The following TTC13 variants were observed in gnomAD, a reference collection of about 807,000 sequenced individuals.
TTC13 encodes tetratricopeptide repeat protein 13.
A neutral mutation model predicts 120.0 loss-of-function variants in TTC13; 62 were observed. The observed-to-expected ratio is 0.52, with a 90% CI of 0.42 to 0.64. The LOEUF (loss-of-function observed/expected upper bound fraction) is 0.64, where lower values mean the gene tolerates loss of function less well. Ranked by LOEUF, TTC13 falls within the 30% of genes least tolerant of loss-of-function variation. The probability of loss-of-function intolerance (pLI) is 0.00; values close to 1 mark genes in which losing one functional copy is unlikely to be tolerated. For missense variants in TTC13, 824 were observed against 1,050.2 expected (o/e 0.78, Z 2.98); for synonymous variants, 384 against 393.5 (o/e 0.98, Z 0.28).
intron 18 of TTC13, 139 bp from the exon 19 acceptor site, chr1:230,912,897 T>C (rs959152941): frequency 2.1e-5 from 16 of 748,322 alleles, no homozygotes; most frequent in Non-Finnish European, 8.4e-6. Flanking sequence ...TTTCTAACTA[T>C]AGACAAGCAA....
chr1:230,969,179 G>A (rs1439445500), intron 1 of TTC13, among the ~76,000 whole-genome samples: 8 of 152,024 alleles, frequency 5.3e-5, no homozygotes, highest in Non-Finnish European at 8.8e-5. Context: ...GGAGAATGGC[G>A]TGAACCTGGG....
intron 1 of TTC13, among the ~76,000 whole-genome samples, chr1:230,962,333 A>G (rs1034667560): frequency 3.3e-5 from 5 of 152,216 alleles, no homozygotes; most frequent in Non-Finnish European, 5.9e-5. Context: ...CATTGAGCAC[A>G]TGAAAAGTTG....
At chr1:230,916,396 T>G (rs573168552) in intron 17 of TTC13, 94 bp from the exon 18 acceptor site, 2 of 958,074 alleles carry the variant, frequency 2.1e-6, no homozygotes, top group African/African-American at 3.2e-5. Context: ...TTACATGTTT[T>G]TAAAAAGGGC....
At chr1:230,933,494 G>A (rs551054649) in intron 9 of TTC13, among the ~76,000 whole-genome samples, 1 of 152,244 alleles carries the variant, frequency 6.6e-6, no homozygotes, top group South Asian at 2.1e-4. Context: ...CACCCCAATA[G>A]CTTACAATGC....
chr1:230,931,672 C>T lies in TTC13; in HGVS notation c.1125+64G>A, dbSNP rs548372263. ...CAGTCCCCCTTCTCTATTCATTTCACTAAACTTCAATGAAGAATAATCCAG... is the reference window on the plus strand; with the variant it reads ...CAGTCCCCCTTCTCTATTCATTTCATTAAACTTCAATGAAGAATAATCCAG... On this transcript the variant is annotated intron_variant, in intron 10 of 22. Transcript: ENST00000366661. 109 of 1,575,102 alleles carry T rather than the reference C, an allele frequency of 6.9e-5. 1 individual carries two copies. The South Asian group carries it at 1.1e-3, about 17-fold the overall frequency.
rs1239504392 is a variant in TTC13, at chr1:230,908,993, T to A, written c.2337A>T (p.Gly779=). 6.8e-6 allele frequency: 11 copies of A among 1,614,172 alleles called. No individual in the cohort carries two copies. Among genetic ancestry groups the A allele is most frequent in the Non-Finnish European group, 9.3e-6 (11 of 1,180,024 alleles). The stretch of plus-strand genomic sequence containing the variant: ...CTTCTTTTCCACTTGCCATCAGTGC[T>A]CCCACGATGACCGAGTAAGCAATTA... ...SSVIAYSVIV[G]ALMASGKEVA... Residue 779 remains glycine, a synonymous_variant, in exon 21 of 23, where the codon GGA becomes GGT. Coordinates refer to ENST00000366661, the MANE Select transcript of TTC13 (RefSeq NM_024525.5).
intron 12 of TTC13, among the ~76,000 whole-genome samples, chr1:230,926,806 C>T (rs1673093137): frequency 1.3e-5 from 2 of 152,266 alleles, no homozygotes; most frequent in East Asian, 3.9e-4. Flanking sequence ...GTCAAATTAC[C>T]CAGTTTAAGA....
At chr1:230,930,471 T>G (rs1203717344) in intron 11 of TTC13, among the ~76,000 whole-genome samples, 3 of 152,214 alleles carry the variant, frequency 2.0e-5, no homozygotes, top group African/African-American at 7.2e-5. Flanking sequence ...TTAAAAAAAC[T>G]GTCTTCAGAG....
intron 11 of TTC13, among the ~76,000 whole-genome samples, chr1:230,929,977 G>T (rs1673397659): frequency 6.6e-6 from 1 of 152,188 alleles, no homozygotes; most frequent in South Asian, 2.1e-4. Context: ...TAGGGTGATT[G>T]AAACTGAATT....
At chr1:230,965,316 G>T (rs187597170) in intron 1 of TTC13, among the ~76,000 whole-genome samples, 4 of 152,320 alleles carry the variant, frequency 2.6e-5, no homozygotes, top group Admixed American at 6.5e-5. Flanking sequence ...AATGGGGAAA[G>T]ATTTGAATAG....
In TTC13 at chr1:230,961,284, G is replaced by A; in HGVS notation, c.291C>T (p.Phe97=). The A allele has an allele frequency of 6.2e-7, 1 of 1,613,786 alleles. No individual in the cohort carries two copies. The highest frequency in any genetic ancestry group is 8.5e-7 in the Non-Finnish European group (1 of 1,179,806). ...CCTTGGGTTCGCAGTCTGAGTCATG[G>A]AAGTTCAAAAAGGATGACTCTGAAA... ...AECGESSFLN[F]HDSDCEPKGS... is the part of the protein sequence containing the mutation. The change falls in exon 2 of 23, where the codon TTC becomes TTT. Residue 97 remains phenylalanine (F), a synonymous_variant. Transcript: ENST00000366661.
chr1:230,920,396 G>A (rs1479523739), intron 17 of TTC13, 114 bp downstream of exon 17: 2 of 750,740 alleles, frequency 2.7e-6, no homozygotes, highest in African/African-American at 1.8e-5. Context: ...TTCAGAATGT[G>A]TTCATACGAG....
At chr1:230,920,292 T>C in intron 17 of TTC13, 1 of 351,728 alleles carries the variant, frequency 2.8e-6, no homozygotes, top group Non-Finnish European at 5.1e-6. Context: ...TATATGTATT[T>C]TTAAGTTTTC....
chr1:230,912,809 C>G, intron 18 of TTC13, 51 bp from the exon 19 acceptor site: 1 of 1,550,674 alleles, frequency 6.4e-7, no homozygotes, highest in Non-Finnish European at 8.7e-7. Flanking sequence ...GTTCAAACAG[C>G]CAAACACAGA....
chr1:230,965,646 T>C (rs1355946052), intron 1 of TTC13, among the ~76,000 whole-genome samples: 1 of 152,176 alleles, frequency 6.6e-6, no homozygotes, highest in Non-Finnish European at 1.5e-5. Context: ...AGGAAATCAG[T>C]ATATGGAAGA....
chr1:230,939,487 T>C lies in TTC13; in HGVS notation c.799A>G (p.Thr267Ala), dbSNP rs1338266800. 6.2e-7 allele frequency: 1 copy of C among 1,607,118 alleles called. No individual in the cohort carries two copies. Among genetic ancestry groups the C allele is most frequent in the Admixed American group, 1.7e-5 (1 of 59,952 alleles). ...GACTGCTGAAAGTCTTCATGGGCTG[T>C]TGCATAGTCCTACAAAAAGGAGAGT... ...TLYFISEDYATAHEDFQQSLE... is the reference protein window; with the variant it reads ...TLYFISEDYAAAHEDFQQSLE... Residue 267 changes from threonine to alanine, a missense_variant, in exon 8 of 23, where the codon ACA becomes GCA. By Grantham distance (58) the Thr-to-Ala change is moderately conservative (BLOSUM62 0). Around this residue, in one of 4 missense-constraint regions of TTC13, gnomAD observed 430 missense variants for 626.8 expected, o/e 0.69. Coordinates refer to ENST00000366661, the MANE Select transcript of TTC13 (RefSeq NM_024525.5).
At chr1:230,956,345 C>G in intron 3 of TTC13, 1 of 206,148 alleles carries the variant, frequency 4.9e-6, no homozygotes, top group Non-Finnish European at 1.0e-5. Flanking sequence ...TAAACTTGTA[C>G]TTTTTTGAAT....
chr1:230,964,221 C>T lies in TTC13; in HGVS notation c.272-2918G>A, dbSNP rs191467957. On this transcript the variant is annotated intron_variant, in intron 1 of 22. Coordinates refer to ENST00000366661, the MANE Select transcript of TTC13 (RefSeq NM_024525.5). The stretch of plus-strand genomic sequence containing the variant: ...GGATGTCCCTACTTTTTTCTTAATA[C>T]GAACAGTATTTCAGTAAGTATTCTT... Among the ~76,000 whole-genome samples the T allele has an allele frequency of 1.0e-3, 159 of 152,214 alleles. 2 individuals carry two copies. Among genetic ancestry groups the T allele is most frequent in the African/African-American group, 3.6e-3 (148 of 41,550 alleles).
At chr1:230,928,109 T>G (rs1011397476) in intron 12 of TTC13, among the ~76,000 whole-genome samples, 1 of 152,140 alleles carries the variant, frequency 6.6e-6, no homozygotes, top group African/African-American at 2.4e-5. Flanking sequence ...TCTTTGGGAG[T>G]ATCTTGATTA....
Sources: gnomAD v4.1 joint callset for allele counts (sites outside exome capture counted in the v4.1 genomes callset) on GRCh38, gnomAD v4.1.1 for gene constraint, gnomAD v4.1.1 regional missense constraint, MANE v1.5 for transcripts, NCBI Gene and HGNC (gene_info 2026-07-23, HGNC 2026-07-21) for gene names.